ARHGAP42: variants seen among roughly 807,000 people sequenced by gnomAD.
The protein encoded by ARHGAP42 is rho GTPase-activating protein 42.
ARHGAP42 carries 63 observed loss-of-function variants against 125.0 expected under a neutral mutation model. The ratio of observed to expected loss-of-function variants is 0.50; its 90% CI spans 0.41 to 0.62. The LOEUF (loss-of-function observed/expected upper bound fraction) is 0.62. Among genes scored for constraint, ARHGAP42 ranks in the 20% least tolerant of loss-of-function variants. The pLI is 0.00. For missense variants in ARHGAP42, 766 were observed against 1,024.2 expected, an observed-to-expected ratio of 0.75 and a Z score of 3.44; for synonymous variants, 339 against 351.0, an observed-to-expected ratio of 0.97 and a Z score of 0.38.
At chr11:100,823,164 C>T (rs1337122361) in intron 3 of ARHGAP42, among the ~76,000 whole-genome samples, 1 of 152,150 alleles carries the variant, frequency 6.6e-6, no homozygotes, top group Non-Finnish European at 1.5e-5. Context: ...AGAAATGAAA[C>T]TTGAGAAGCC....
At position 100,943,794 on chromosome 11, in the gene ARHGAP42, A is replaced by C. The variant is rs1358603455; in HGVS notation, c.969A>C (p.Lys323Asn). Residue 323 changes from lysine (K) to asparagine (N), a missense_variant, in exon 10 of 24, where the codon AAA (lysine) becomes AAC (asparagine). Transcript: ENST00000298815. ...TTACTAGCTCACCGGAAATGTTTAA[A>C]TTAAAATCTTGTATCCGACGAAAGA... ...GLVTSSPEMF[K>N]LKSCIRRKTD... 4 of 1,550,044 alleles carry C rather than the reference A, an allele frequency of 2.6e-6. No homozygotes were observed. In the South Asian group the frequency reaches 4.8e-5, roughly 18 times the overall value.
intron 3 of ARHGAP42, among the ~76,000 whole-genome samples, chr11:100,858,328 G>T (rs1169245372): frequency 1.3e-5 from 2 of 152,058 alleles, no homozygotes; most frequent in African/African-American, 4.8e-5. Flanking sequence ...TCTGAGACAA[G>T]ATTTTTTGAG....
chr11:100,879,034 G>A (rs2135172991), intron 4 of ARHGAP42, among the ~76,000 whole-genome samples: 1 of 151,246 alleles, frequency 6.6e-6, no homozygotes, highest in African/African-American at 2.4e-5. Flanking sequence ...GTGTGGTTTA[G>A]TTTGAGGTAG....
intron 4 of ARHGAP42, among the ~76,000 whole-genome samples, chr11:100,903,115 G>GCACACACACACA (rs1480178280): frequency 2.2e-4 from 3 of 13,704 alleles, no homozygotes; most frequent in African/African-American, 2.4e-4. Context: ...TGTCCAAGAT[G>GCACACACACACA]CGCACACACA....
intron 2 of ARHGAP42, among the ~76,000 whole-genome samples, chr11:100,791,194 A>G (rs144978342): frequency 6.6e-6 from 1 of 152,266 alleles, no homozygotes; most frequent in East Asian, 1.9e-4. Flanking sequence ...TCTCATGTCT[A>G]GGGAGCTGCT....
intron 1 of ARHGAP42, among the ~76,000 whole-genome samples, chr11:100,697,658 A>T (rs746617482): frequency 2.6e-5 from 4 of 152,210 alleles, no homozygotes; most frequent in Non-Finnish European, 5.9e-5. Flanking sequence ...AAAAGTGATG[A>T]TTTAATTTGG....
chr11:100,940,759 C>T (rs946698476), intron 8 of ARHGAP42, among the ~76,000 whole-genome samples: 6 of 152,056 alleles, frequency 3.9e-5, no homozygotes, highest in Non-Finnish European at 8.8e-5. Flanking sequence ...GTCTTAGATG[C>T]GTGATTCATT....
Position 100,974,609 on chromosome 11 carries a change from T to G in ARHGAP42, c.1855+6T>G. ...ATGCCTGGCCGAACCTGATAGTAAG[T>G]GCACCCGGCCTTAGGGAGATGCTTT... On this transcript the variant is annotated splice_donor_region_variant and intron_variant, in intron 19 of 23. Coordinates refer to ENST00000298815, the MANE Select transcript of ARHGAP42 (RefSeq NM_152432.4). 6.5e-7 allele frequency: 1 copy of G among 1,549,342 alleles called. No homozygotes were observed. The highest frequency in any genetic ancestry group is 8.7e-7 in the Non-Finnish European group (1 of 1,145,670).
intron 3 of ARHGAP42, among the ~76,000 whole-genome samples, chr11:100,823,595 A>G (rs1006222233): frequency 3.3e-5 from 5 of 152,114 alleles, no homozygotes; most frequent in Non-Finnish European, 2.9e-5. Context: ...AAACATCCAA[A>G]TCACCAATTT....
At chr11:100,831,801 G>T (rs903228089) in intron 3 of ARHGAP42, among the ~76,000 whole-genome samples, 1 of 152,100 alleles carries the variant, frequency 6.6e-6, no homozygotes, top group Non-Finnish European at 1.5e-5. Flanking sequence ...GTTAATTTGG[G>T]CACATGGCAA....
intron 1 of ARHGAP42, among the ~76,000 whole-genome samples, chr11:100,700,362 T>C (rs1861375688): frequency 6.6e-6 from 1 of 152,174 alleles, no homozygotes; most frequent in Non-Finnish European, 1.5e-5. Flanking sequence ...GGAGTTCCTG[T>C]GACAATTTCT....
intron 3 of ARHGAP42, among the ~76,000 whole-genome samples, chr11:100,799,819 A>G (rs1863809416): frequency 6.6e-6 from 1 of 152,232 alleles, no homozygotes; most frequent in Non-Finnish European, 1.5e-5. Context: ...CTTTGTAGGC[A>G]TCAGAGGAAA....
chr11:100,976,120 A>G lies in ARHGAP42; in HGVS notation c.1919A>G (p.His640Arg), dbSNP rs1318275215. The G allele has an allele frequency of 6.4e-7, 1 of 1,551,018 alleles. No homozygotes were observed. Among genetic ancestry groups the G allele is most frequent in the Non-Finnish European group, 8.7e-7 (1 of 1,146,612 alleles). Residue 640 changes from histidine (H) to arginine (R), a missense_variant, in exon 20 of 24, where the codon CAT becomes CGT. His to Arg is a conservative substitution (Grantham distance 29). This residue lies in a region of ARHGAP42 where 308 missense variants were observed against 369.7 expected (regional missense o/e 0.83). Coordinates refer to ENST00000298815, the MANE Select transcript of ARHGAP42 (RefSeq NM_152432.4). ...PMGSIESLSS[H>R]SSEQNSTTKS... ...GGGAGCATTGAGTCACTCTCTTCTC[A>G]TTCCTCTGAACAAAATAGCACTACA... is the stretch of plus-strand genomic sequence containing the variant.
intron 1 of ARHGAP42, among the ~76,000 whole-genome samples, chr11:100,758,963 T>A (rs1323959189): frequency 6.6e-6 from 1 of 152,192 alleles, no homozygotes; most frequent in African/African-American, 2.4e-5. Context: ...GACAGCCTTT[T>A]CTTTAATGAT....
At chr11:100,987,939 C>T (rs953507372) in intron 23 of ARHGAP42, among the ~76,000 whole-genome samples, 1 of 152,080 alleles carries the variant, frequency 6.6e-6, no homozygotes, top group Non-Finnish European at 1.5e-5. Context: ...ACCATCTTGG[C>T]CAACATGGTG....
Position 100,990,993 on chromosome 11 carries a change from T to G in ARHGAP42, c.*2192T>G, listed in dbSNP as rs1217425208. On this transcript the variant is annotated 3_prime_UTR_variant, in exon 24 of 24. Coordinates refer to ENST00000298815, the MANE Select transcript of ARHGAP42 (RefSeq NM_152432.4). ...AGATGTTCCATTCAGATTTAAAGCT[T>G]TTTTACTGCATAGGATGTGGATAGG... 6.6e-6 allele frequency: 1 copy of G among 152,156 alleles called. No homozygotes were observed. Among genetic ancestry groups the G allele is most frequent in the Non-Finnish European group, 1.5e-5 (1 of 68,030 alleles). The allele number at this position is 152,156 out of a possible 1,614,324, so 9.4% of individuals were successfully genotyped here. A position where few individuals can be genotyped will look rare whatever the true frequency, so the allele number is the denominator to read the frequency against.
rs374001938 is a variant in ARHGAP42, at chr11:100,918,119, G to A, written c.487-3375G>A. ...TCTTAAGTTTTTGCACTGCCTATAT[G>A]ATGAAATCTACACTCATTTTATTTT... On this transcript the variant is annotated intron_variant, in intron 5 of 23. Transcript: ENST00000298815. 1.4e-3 allele frequency among the ~76,000 whole-genome samples: 188 copies of A among 134,122 alleles called. 2 individuals carry two copies. The highest frequency in any genetic ancestry group is 4.8e-3 in the African/African-American group (169 of 34,890). 88.0% of individuals were successfully genotyped at this position (134,122 alleles called of 152,430 possible). A position where few individuals can be genotyped will look rare whatever the true frequency, so the allele number is the denominator to read the frequency against.
intron 3 of ARHGAP42, among the ~76,000 whole-genome samples, chr11:100,815,737 C>T (rs1864252311): frequency 1.3e-5 from 2 of 152,116 alleles, no homozygotes; most frequent in Non-Finnish European, 2.9e-5. Flanking sequence ...CGTTATTATG[C>T]TACCAATCTC....
intron 3 of ARHGAP42, among the ~76,000 whole-genome samples, chr11:100,851,776 T>G (rs1325467699): frequency 2.6e-5 from 4 of 152,206 alleles, no homozygotes; most frequent in African/African-American, 9.6e-5. Flanking sequence ...TAATTACGTA[T>G]TTGGCTCCAG....
Sources: allele counts gnomAD v4.1 joint callset (sites outside exome capture counted in the v4.1 genomes callset), GRCh38; gene constraint gnomAD v4.1.1; regional missense constraint gnomAD v4.1.1; transcripts MANE v1.5; gene names NCBI Gene and HGNC (gene_info 2026-07-23, HGNC 2026-07-21).